MDN1: variants seen among roughly 807,000 people sequenced by gnomAD.
MDN1 encodes the protein midasin AAA ATPase 1.
A neutral mutation model predicts 669.2 loss-of-function variants in MDN1; 266 were observed. The observed-to-expected ratio is 0.40, with a 90% CI of 0.36 to 0.44. The LOEUF (loss-of-function observed/expected upper bound fraction) is 0.44. MDN1 is among the 20% of genes least tolerant of loss of function. The pLI is 1.00. For synonymous variants in MDN1, 2,385 were observed against 2,457.1 expected, an observed-to-expected ratio of 0.97 and a Z score of 0.87; for missense variants, 5,940 against 6,754.0, an observed-to-expected ratio of 0.88 and a Z score of 4.22.
chr6:89,814,294 G>C (rs924675970), intron 1 of MDN1, among the ~76,000 whole-genome samples: 2 of 151,548 alleles, frequency 1.3e-5, no homozygotes, highest in Non-Finnish European at 2.9e-5. Flanking sequence ...CCTTAGGACT[G>C]ACAAAACAGA....
chr6:89,785,895 A>G, intron 8 of MDN1, among the ~76,000 whole-genome samples: 1 of 152,182 alleles, frequency 6.6e-6, no homozygotes, highest in Non-Finnish European at 1.5e-5. Flanking sequence ...GGTCGTTGGG[A>G]GGCCAAAGCA....
In MDN1 at chr6:89,688,092, G is replaced by A; in HGVS notation, c.11341C>T (p.Leu3781=). ...TATTAGCTCACCTGTGCCTTTGCCA[G>A]AAGGATCTCTAAGCCATTCAGGAAC... ...SKFLNGLEIL[L]AKAQDWEENA... Residue 3781 remains leucine (L), a synonymous_variant, in exon 67 of 102, where the codon CTG becomes TTG. Coordinates refer to ENST00000369393, the MANE Select transcript of MDN1 (RefSeq NM_014611.3). The A allele has an allele frequency of 6.2e-7, 1 of 1,613,958 alleles. No homozygotes were observed. Among genetic ancestry groups the A allele is most frequent in the Non-Finnish European group, 8.5e-7 (1 of 1,179,796 alleles).
intron 85 of MDN1, 132 bp from the exon 86 acceptor site, chr6:89,663,099 C>T (rs1809923186): frequency 4.2e-6 from 4 of 943,344 alleles, no homozygotes; most frequent in Non-Finnish European, 4.8e-6. Context: ...CAGAACACAC[C>T]CTACGGGCAG....
At position 89,694,169 on chromosome 6, in the gene MDN1, C is replaced by G; in HGVS notation, c.9786G>C (p.Gln3262His). The change falls in exon 62 of 102, where the codon CAG becomes CAC. Residue 3262 changes from glutamine (Q) to histidine (H), a missense_variant. Physicochemically the swap from Gln to His is conservative, Grantham distance 24. Transcript: ENST00000369393. ...ACAGGTTCCGGGTCTTCCATTCACACTGCAGTTGGTGTAACTAATGGAAAA... is the reference window on the plus strand; with the variant it reads ...ACAGGTTCCGGGTCTTCCATTCACAGTGCAGTTGGTGTAACTAATGGAAAA... ...NYVKEELHQL[Q>H]CEWKTRNLSS... is the part of the protein sequence containing the mutation. 1 of 1,614,108 alleles carries G rather than the reference C, an allele frequency of 6.2e-7. No individual in the cohort carries two copies. The highest frequency in any genetic ancestry group is 8.5e-7 in the Non-Finnish European group (1 of 1,179,950).
At chr6:89,763,498 GTAAGAGATAAT>G (rs1817658690) in intron 15 of MDN1, among the ~76,000 whole-genome samples, 1 of 152,054 alleles carries the variant, frequency 6.6e-6, no homozygotes, top group African/African-American at 2.4e-5. Context: ...TTTGGGGGAG[GTAAGAGATAAT>G]TTTTTAAAAG....
At chr6:89,773,979 A>G (rs1008439275) in intron 13 of MDN1, among the ~76,000 whole-genome samples, 1 of 152,148 alleles carries the variant, frequency 6.6e-6, no homozygotes, top group African/African-American at 2.4e-5. Context: ...AGAAAAAAAA[A>G]AAAAGAAAAG....
At chr6:89,686,684 T>C (rs1812031645) in intron 69 of MDN1, among the ~76,000 whole-genome samples, 1 of 152,204 alleles carries the variant, frequency 6.6e-6, no homozygotes, top group African/African-American at 2.4e-5. Flanking sequence ...GAGAAGACAT[T>C]TAAACCTCTC....
At chr6:89,680,435 A>G (rs945178535) in intron 74 of MDN1, among the ~76,000 whole-genome samples, 154 bp downstream of exon 74, 2 of 152,226 alleles carry the variant, frequency 1.3e-5, no homozygotes, top group Non-Finnish European at 2.9e-5. Context: ...CCTGTTTCTG[A>G]GCTCTGTGGG....
intron 35 of MDN1, among the ~76,000 whole-genome samples, chr6:89,729,677 GTT>G (rs35914010): frequency 3.0e-5 from 3 of 100,756 alleles, no homozygotes; most frequent in African/African-American, 3.7e-5. Context: ...TTTTGTTTTC[GTT>G]TTTTTTTTTT....
chr6:89,670,157 TA>T (rs1810580034), intron 83 of MDN1, among the ~76,000 whole-genome samples: 6 of 23,894 alleles, frequency 2.5e-4, no homozygotes, highest in African/African-American at 2.4e-4. Context: ...TATATATATA[TA>T]TATATATATA....
chr6:89,748,715 TGATTA>T (rs1016423514), intron 26 of MDN1, among the ~76,000 whole-genome samples: 2 of 147,760 alleles, frequency 1.4e-5, no homozygotes, highest in Non-Finnish European at 3.0e-5. Context: ...AATTGTTGAT[TGATTA>T]AAAAAAAAAA....
intron 49 of MDN1, 69 bp from the exon 50 acceptor site, chr6:89,710,863 T>A (rs1376675167): frequency 7.8e-6 from 7 of 897,762 alleles, no homozygotes; most frequent in Non-Finnish European, 1.2e-5. Flanking sequence ...TCTGCAGTGA[T>A]GAAAATGTTC....
intron 4 of MDN1, 41 bp downstream of exon 4, chr6:89,794,059 A>G: frequency 1.4e-6 from 2 of 1,444,406 alleles, no homozygotes; most frequent in Non-Finnish European, 1.9e-6. Flanking sequence ...AAAAAAAAAA[A>G]GAAATGCTAT....
chr6:89,727,011 T>A (rs1410033179), intron 37 of MDN1, among the ~76,000 whole-genome samples: 1 of 152,152 alleles, frequency 6.6e-6, no homozygotes, highest in South Asian at 2.1e-4. Flanking sequence ...GTATGGTCAG[T>A]AGCCTTCAGC....
intron 56 of MDN1, 130 bp downstream of exon 56, chr6:89,700,516 A>T: frequency 1.2e-6 from 1 of 854,232 alleles, no homozygotes; most frequent in Non-Finnish European, 1.8e-6. Flanking sequence ...CCTGACACTT[A>T]TATAAAGGTA....
At chr6:89,681,174 TCTTTC>T (rs1201740301) in intron 73 of MDN1, among the ~76,000 whole-genome samples, 1 of 147,842 alleles carries the variant, frequency 6.8e-6, no homozygotes, top group Non-Finnish European at 1.5e-5. Flanking sequence ...AATTCAGATT[TCTTTC>T]CTTTTTTTTT....
chr6:89,646,455 G>A (rs1167945379), intron 100 of MDN1, 85 bp downstream of exon 100: 16 of 1,077,840 alleles, frequency 1.5e-5, no homozygotes, highest in East Asian at 2.4e-5. Context: ...ACACAGTGAC[G>A]GGGACACTGA....
In MDN1 at chr6:89,715,141, C is replaced by G. The variant is rs561169792; in HGVS notation, c.6861-390G>C. Among the ~76,000 whole-genome samples, 3 of 152,284 alleles carry G rather than the reference C, an allele frequency of 2.0e-5. 1 individual carries two copies. In the East Asian group the frequency reaches 5.8e-4, roughly 29 times the overall value. On this transcript the variant is annotated intron_variant, in intron 45 of 101. Coordinates refer to ENST00000369393, the MANE Select transcript of MDN1 (RefSeq NM_014611.3). The stretch of plus-strand genomic sequence containing the variant: ...ACATCTCCATCTAGTTATCTTACAC[C>G]TCTGATGTATGTCTGAAAGTAAACA...
chr6:89,743,529 T>A (rs2273245), intron 30 of MDN1, 47 bp downstream of exon 30: 3 of 1,590,524 alleles, frequency 1.9e-6, no homozygotes, highest in South Asian at 2.3e-5. Context: ...CATGCACAGC[T>A]AACTGCAGTT....
Sources: gnomAD v4.1 joint callset for allele counts (sites outside exome capture counted in the v4.1 genomes callset) on GRCh38, gnomAD v4.1.1 for gene constraint, MANE v1.5 for transcripts, NCBI Gene and HGNC (gene_info 2026-07-23, HGNC 2026-07-21) for gene names.